The following ODF2 variants were observed in gnomAD, a reference collection of about 807,000 sequenced individuals.
ODF2 encodes the protein outer dense fiber of sperm tails 2.
Under a neutral mutation model 110.2 loss-of-function variants are expected in ODF2, and 47 were observed. That is an observed-to-expected ratio of 0.43 (90% CI 0.34 to 0.54). ODF2 has a LOEUF of 0.54. Ranked by LOEUF, ODF2 falls within the 20% of genes least tolerant of loss-of-function variation. ODF2 has a pLI of 0.03. For missense variants in ODF2, 812 were observed against 1,054.5 expected (o/e 0.77, Z 3.19); for synonymous variants, 352 against 397.7 (o/e 0.89, Z 1.37).
In ODF2 at chr9:128,494,580, C is replaced by T. The variant is rs1357370760; in HGVS notation, c.1823C>T (p.Ala608Val). ...CCTGACATCCTGAAGATCACGGAGGCGAAGCTGGCTGAGTGCCAAGACCAA... is the reference window on the plus strand; with the variant it reads ...CCTGACATCCTGAAGATCACGGAGGTGAAGCTGGCTGAGTGCCAAGACCAA... Residue 608 changes from alanine to valine, a missense_variant, in exon 17 of 21, where the codon GCG (alanine) becomes GTG (valine). By Grantham distance (64) the Ala-to-Val change is moderately conservative. Coordinates refer to ENST00000604420, the Ensembl canonical transcript of ODF2. This position sits in a 1 kb window ranked among gnomAD's most constrained non-coding sequence, Gnocchi z 4.6. 3.1e-6 allele frequency: 5 copies of T among 1,614,026 alleles called. No homozygotes were observed. Among genetic ancestry groups the T allele is most frequent in the Non-Finnish European group, 4.2e-6 (5 of 1,180,038 alleles).
intron 11 of ODF2, 62 bp downstream of exon 11, chr9:128,484,116 G>A (rs1020319166): frequency 1.7e-5 from 21 of 1,227,268 alleles, no homozygotes; most frequent in Non-Finnish European, 2.3e-5. Context: ...TGATGGTAGC[G>A]GCCTGGCCCA....
chr9:128,457,701 G>A (rs868686832), intron 2 of ODF2, among the ~76,000 whole-genome samples: 5 of 152,166 alleles, frequency 3.3e-5, no homozygotes, highest in African/African-American at 1.2e-4. Context: ...ATATAATAGA[G>A]TACTAGGTTC....
At chr9:128,466,016 C>G in intron 4 of ODF2, among the ~76,000 whole-genome samples, 1 of 151,146 alleles carries the variant, frequency 6.6e-6, no homozygotes, top group Non-Finnish European at 1.5e-5. Context: ...GGTCGCGCCA[C>G]CAATATCAGC....
At chr9:128,480,967 A>G (rs2131964483) in intron 8 of ODF2, among the ~76,000 whole-genome samples, 1 of 152,330 alleles carries the variant, frequency 6.6e-6, no homozygotes, top group East Asian at 1.9e-4. Flanking sequence ...ACAGAGAAAC[A>G]GTATTTCAAT....
exon 5 of ODF2, chr9:128,469,265 A>G (rs746339937): frequency 6.2e-7 from 1 of 1,614,126 alleles, no homozygotes; most frequent in South Asian, 1.1e-5. Flanking sequence ...CTCTCTACAG[A>G]AGATGATGAC....
intron 3 of ODF2, chr9:128,460,165 C>A: frequency 7.7e-7 from 1 of 1,298,888 alleles, no homozygotes; most frequent in Non-Finnish European, 1.0e-6. Context: ...CAGTTGAGAT[C>A]ACTGTGTAGA....
chr9:128,455,322 C>A (rs145376858), upstream of ODF2: 92 of 1,135,100 alleles, frequency 8.1e-5, no homozygotes, highest in East Asian at 1.5e-3. Flanking sequence ...AAGGCCGAGG[C>A]GGGTGGATCA....
chr9:128,464,129 G>T (rs1837235478), intron 4 of ODF2, among the ~76,000 whole-genome samples: 2 of 147,772 alleles, frequency 1.4e-5, no homozygotes, highest in Non-Finnish European at 3.0e-5. Context: ...ACAGGTGTGA[G>T]CCACCACCAC....
At chr9:128,464,156 C>CT (rs1288565881) in intron 4 of ODF2, among the ~76,000 whole-genome samples, 28,534 of 118,318 alleles carry the variant, frequency 0.24, 3,674 homozygotes, top group East Asian at 0.38. Flanking sequence ...CCAAAAATGC[C>CT]TTTTTTTTTT....
chr9:128,487,067 CCTCT>C (rs753320019), intron 13 of ODF2, among the ~76,000 whole-genome samples: 6 of 150,800 alleles, frequency 4.0e-5, no homozygotes, highest in South Asian at 2.1e-4. Context: ...GGTACACATC[CCTCT>C]CTCTCTCTCT....
At chr9:128,488,148 C>G in intron 14 of ODF2, 123 bp downstream of exon 14, 1 of 1,178,154 alleles carries the variant, frequency 8.5e-7, no homozygotes, top group Non-Finnish European at 1.2e-6. Context: ...CTGGATTTGA[C>G]CAGGCATGGT....
In ODF2 at chr9:128,494,792, G is replaced by A. The variant is rs1265490116; in HGVS notation, c.1911+124G>A. 6.3e-7 allele frequency: 1 copy of A among 1,585,616 alleles called. No homozygotes were observed. Among genetic ancestry groups the A allele is most frequent in the Non-Finnish European group, 8.6e-7 (1 of 1,167,138 alleles). On this transcript the variant is annotated intron_variant, in intron 17 of 20. Transcript: ENST00000604420. The surrounding 1 kb of genome is among the most constrained non-coding windows in gnomAD (Gnocchi z 4.6). ...TCTTGGCTGCTGCTTTTTAAAAGGA[G>A]TGAGCTATCATCAGTGCTGTGAAAT...
intron 8 of ODF2, among the ~76,000 whole-genome samples, chr9:128,474,287 G>A (rs1840743301): frequency 6.6e-6 from 1 of 152,062 alleles, no homozygotes; most frequent in South Asian, 2.1e-4. Context: ...GAGGTCAGAA[G>A]TTCAAGACCA....
intron 8 of ODF2, among the ~76,000 whole-genome samples, chr9:128,476,481 T>G (rs1279747565): frequency 6.6e-6 from 1 of 151,102 alleles, no homozygotes; most frequent in Non-Finnish European, 1.5e-5. Context: ...AGAGACGGGG[T>G]TTCATCATAT....
chr9:128,475,447 C>T (rs1841057166), intron 8 of ODF2, among the ~76,000 whole-genome samples: 2 of 152,184 alleles, frequency 1.3e-5, no homozygotes, highest in Admixed American at 1.3e-4. Context: ...TGCATTGCCT[C>T]ACATACTAAG....
intron 8 of ODF2, among the ~76,000 whole-genome samples, 195 bp from the exon 9 acceptor site, chr9:128,481,385 G>A (rs956749962): frequency 5.3e-5 from 8 of 151,978 alleles, no homozygotes; most frequent in Admixed American, 6.6e-5. Context: ...GCTGAGATGG[G>A]AGGATGGCTT....
intron 17 of ODF2, among the ~76,000 whole-genome samples, chr9:128,495,055 A>G (rs751538167): frequency 4.6e-5 from 7 of 152,184 alleles, no homozygotes; most frequent in Non-Finnish European, 1.0e-4. Flanking sequence ...TGACTCTTTA[A>G]CAGATGCACT....
At chr9:128,463,678 C>T (rs963034414) in intron 4 of ODF2, among the ~76,000 whole-genome samples, 2 of 119,620 alleles carry the variant, frequency 1.7e-5, no homozygotes, top group African/African-American at 7.2e-5. Context: ...CCTATTTGTG[C>T]AGAAAATGGG....
intron 13 of ODF2, 86 bp from the exon 14 acceptor site, chr9:128,487,804 A>AACAC (rs5900801): frequency 1.9e-4 from 15 of 78,820 alleles, no homozygotes; most frequent in African/African-American, 1.2e-3. Flanking sequence ...AAACAAACAA[A>AACAC]ACACACACAC....
Sources: gnomAD v4.1 joint callset for allele counts (sites outside exome capture counted in the v4.1 genomes callset) on GRCh38, gnomAD v4.1.1 for gene constraint, Gnocchi (gnomAD v3.1) non-coding constraint, MANE v1.5 for transcripts, NCBI Gene and HGNC (gene_info 2026-07-23, HGNC 2026-07-21) for gene names.